C16orf90: variants seen among roughly 807,000 people sequenced by gnomAD.
The protein encoded by C16orf90 is uncharacterized protein C16orf90.
In C16orf90, 17 loss-of-function variants were observed where a neutral mutation model predicts 17.1. The observed-to-expected ratio is 1.00, with a 90% CI of 0.68 to 1.49. The LOEUF is 1.49. C16orf90 is among the 40% of genes most tolerant of loss of function. The pLI is 0.00. For missense variants in C16orf90, 255 were observed against 235.5 expected (o/e 1.08, Z -0.54); for synonymous variants, 108 against 95.8 (o/e 1.13, Z -0.75).
In C16orf90 at chr16:3,493,577, G is replaced by C; in HGVS notation, c.*262C>G. ...GGGGCCTGATTCTGCACTCAGCCCG[G>C]CCTCCCAGGTACAAGTGGCTGACTG... On this transcript the variant is annotated 3_prime_UTR_variant, in exon 3 of 3. Transcript: ENST00000437192. 2 of 333,354 alleles carry C rather than the reference G, an allele frequency of 6.0e-6. No individual in the cohort carries two copies. The highest frequency in any genetic ancestry group is 4.9e-5 in the East Asian group (1 of 20,428). The allele number at this position is 333,354 out of a possible 1,614,324, so 20.6% of individuals were successfully genotyped here.
upstream of C16orf90, among the ~76,000 whole-genome samples, chr16:3,495,855 C>T (rs955028902): frequency 2.0e-5 from 3 of 152,142 alleles, no homozygotes; most frequent in Non-Finnish European, 2.9e-5. Context: ...CCTGTAATCC[C>T]AGCACTGTGG....
intron 2 of C16orf90, 38 bp from the exon 3 acceptor site, chr16:3,494,025 C>T (rs2037267636): frequency 1.3e-6 from 2 of 1,573,988 alleles, no homozygotes; most frequent in Non-Finnish European, 1.7e-6. Context: ...CTTGAGGGAC[C>T]CAAGGGGAGG....
Position 3,494,507 on chromosome 16 carries a change from G to A in C16orf90, c.400+17C>T. ...AGGGTCTTCCCCCGTGCCCAGTCCT[G>A]CCTTGACAGAGCTCACCACTGCTTC... is the stretch of plus-strand genomic sequence containing the variant. On this transcript the variant is annotated intron_variant, in intron 2 of 2. Coordinates refer to ENST00000437192, the MANE Select transcript of C16orf90 (RefSeq NM_001080524.2). 6.2e-7 allele frequency: 1 copy of A among 1,608,020 alleles called. No individual in the cohort carries two copies. Among genetic ancestry groups the A allele is most frequent in the South Asian group, 1.1e-5 (1 of 90,820 alleles).
At chr16:3,495,880 C>T (rs761881456), upstream of C16orf90, among the ~76,000 whole-genome samples, 3 of 152,130 alleles carry the variant, frequency 2.0e-5, no homozygotes, top group Non-Finnish European at 4.4e-5. Flanking sequence ...CCGAGGCAGG[C>T]TGATCAGTTG....
chr16:3,494,916 C>G (rs755406779), intron 1 of C16orf90, 39 bp from the exon 2 acceptor site: 11 of 1,416,576 alleles, frequency 7.8e-6, no homozygotes, highest in Middle Eastern at 2.5e-4. Flanking sequence ...GCCAGCCCCC[C>G]ACAGCAGCCA....
chr16:3,493,700 A>T lies in C16orf90; in HGVS notation c.*139T>A. 1 of 674,408 alleles carries T rather than the reference A, an allele frequency of 1.5e-6. No homozygotes were observed. Among genetic ancestry groups the T allele is most frequent in the Non-Finnish European group, 2.4e-6 (1 of 417,166 alleles). 41.8% of individuals were successfully genotyped at this position (674,408 alleles called of 1,614,324 possible). A position where few individuals can be genotyped will look rare whatever the true frequency, so the allele number is the denominator to read the frequency against. ...TCCCTCTCCCCATCACATTCTCCCG[A>T]GGCCCAGGCCTGGGCGCTGGGCCGC... On this transcript the variant is annotated 3_prime_UTR_variant, in exon 3 of 3. Transcript: ENST00000437192.
In C16orf90 at chr16:3,495,332, GAA is replaced by G; in HGVS notation, c.46+42_46+43del. 2.0e-5 allele frequency: 31 copies of G among 1,575,686 alleles called. No homozygotes were observed. The South Asian group carries it at 3.6e-4, about 18-fold the overall frequency. On this transcript the variant is annotated intron_variant, in intron 1 of 2. Coordinates refer to ENST00000437192, the MANE Select transcript of C16orf90 (RefSeq NM_001080524.2). ...TCGGCTTTGGGCCCAGGTGGGGACA[GAA>G]GCCTATCTCTCTTCCTGCCACTCCT... is the stretch of plus-strand genomic sequence containing the variant.
chr16:3,495,476 G>C lies in C16orf90; in HGVS notation c.-55C>G. 6.3e-7 allele frequency: 1 copy of C among 1,587,898 alleles called. No homozygotes were observed. The highest frequency in any genetic ancestry group is 8.6e-7 in the Non-Finnish European group (1 of 1,165,910). On this transcript the variant is annotated 5_prime_UTR_variant, in exon 1 of 3. Coordinates refer to ENST00000437192, the MANE Select transcript of C16orf90 (RefSeq NM_001080524.2). ...CAGGACTTGGGTGCAGCAGGGCCCTGCTCTCCCCTGCCTAGGGGGTACATT... is the reference window on the plus strand; with the variant it reads ...CAGGACTTGGGTGCAGCAGGGCCCTCCTCTCCCCTGCCTAGGGGGTACATT...
At chr16:3,495,339 A>G (rs757027113) in intron 1 of C16orf90, 37 bp downstream of exon 1, 1 of 1,582,204 alleles carries the variant, frequency 6.3e-7, no homozygotes, top group Non-Finnish European at 8.6e-7. Context: ...ACAGAAGCCT[A>G]TCTCTCTTCC....
chr16:3,495,501 TGGCAGGTCTCCC>T, upstream of C16orf90: 1 of 1,563,306 alleles, frequency 6.4e-7, no homozygotes, highest in Non-Finnish European at 8.7e-7. Flanking sequence ...GGGGGTACAT[TGGCAGGTCTCCC>T]CTGGCAACTG....
At chr16:3,494,258 T>C (rs2037271009) in intron 2 of C16orf90, among the ~76,000 whole-genome samples, 1 of 152,098 alleles carries the variant, frequency 6.6e-6, no homozygotes. Context: ...CCAAGGCCCC[T>C]CACCGAGTGT....
At position 3,493,758 on chromosome 16, in the gene C16orf90, C is replaced by T. The variant is rs1949727153; in HGVS notation, c.*81G>A. 14 of 1,429,698 alleles carry T rather than the reference C, an allele frequency of 9.8e-6. No homozygotes were observed. In the South Asian group the frequency reaches 1.2e-4, roughly 12 times the overall value. The allele number at this position is 1,429,698 out of a possible 1,614,324, so 88.6% of individuals were successfully genotyped here. A position where few individuals can be genotyped will look rare whatever the true frequency, so the allele number is the denominator to read the frequency against. On this transcript the variant is annotated 3_prime_UTR_variant, in exon 3 of 3. Coordinates refer to ENST00000437192, the MANE Select transcript of C16orf90 (RefSeq NM_001080524.2). ...GCCACCCCATGTGGCAGGGCCACTGCCGGGGGCCGAGCCCCTCCTGCTCAG... is the reference window on the plus strand; with the variant it reads ...GCCACCCCATGTGGCAGGGCCACTGTCGGGGGCCGAGCCCCTCCTGCTCAG...
chr16:3,494,519 C>G lies in C16orf90; in HGVS notation c.400+5G>C. The G allele has an allele frequency of 1.2e-6, 2 of 1,611,886 alleles. No individual in the cohort carries two copies. Among genetic ancestry groups the G allele is most frequent in the South Asian group, 1.1e-5 (1 of 91,022 alleles). ...CGTGCCCAGTCCTGCCTTGACAGAG[C>G]TCACCACTGCTTCCCAGGCTGTCCC... On this transcript the variant is annotated splice_donor_5th_base_variant and intron_variant, in intron 2 of 2. Transcript: ENST00000437192.
chr16:3,495,893 G>A (rs888139182), upstream of C16orf90, among the ~76,000 whole-genome samples: 3 of 152,078 alleles, frequency 2.0e-5, no homozygotes, highest in African/African-American at 7.2e-5. Flanking sequence ...ATCAGTTGAG[G>A]TCTGTGGGAG....
chr16:3,496,240 C>A (rs2037307908), upstream of C16orf90: 1 of 635,526 alleles, frequency 1.6e-6, no homozygotes, highest in Admixed American at 1.9e-5. Context: ...CCTAAAGGTT[C>A]GGCGCAAAGA....
Position 3,495,469 on chromosome 16 carries a change from G to A in C16orf90, c.-48C>T. On this transcript the variant is annotated 5_prime_UTR_variant, in exon 1 of 3. Coordinates refer to ENST00000437192, the MANE Select transcript of C16orf90 (RefSeq NM_001080524.2). ...GAGCAACCAGGACTTGGGTGCAGCAGGGCCCTGCTCTCCCCTGCCTAGGGG... is the reference window on the plus strand; with the variant it reads ...GAGCAACCAGGACTTGGGTGCAGCAAGGCCCTGCTCTCCCCTGCCTAGGGG... The A allele has an allele frequency of 3.1e-6, 5 of 1,596,058 alleles. No individual in the cohort carries two copies. The highest frequency in any genetic ancestry group is 1.1e-5 in the South Asian group (1 of 88,132).
Position 3,494,897 on chromosome 16 carries a change from A to G in C16orf90, c.47-20T>C. 1 of 1,480,806 alleles carries G rather than the reference A, an allele frequency of 6.8e-7. No homozygotes were observed. The highest frequency in any genetic ancestry group is 9.0e-7 in the Non-Finnish European group (1 of 1,116,180). The allele number at this position is 1,480,806 out of a possible 1,614,324, so 91.7% of individuals were successfully genotyped here. On this transcript the variant is annotated intron_variant, in intron 1 of 2. Transcript: ENST00000437192. Reference sequence around the variant, plus strand: ...CTGCATCTGCAGAGGAGACAGCGGGAGGGTGGTGGCCAGCCCCCCACAGCA... The same window carrying G: ...CTGCATCTGCAGAGGAGACAGCGGGGGGGTGGTGGCCAGCCCCCCACAGCA...
At chr16:3,496,473 G>T (rs1233336544), upstream of C16orf90, 14 of 814,820 alleles carry the variant, frequency 1.7e-5, no homozygotes, top group Non-Finnish European at 2.8e-5. Context: ...AACGGATGAC[G>T]CGAGGGTTCA....
At chr16:3,496,237 G>T (rs957591431), upstream of C16orf90, 6 of 630,820 alleles carry the variant, frequency 9.5e-6, no homozygotes, top group African/African-American at 1.8e-5. Context: ...GGACCTAAAG[G>T]TTCGGCGCAA....
Sources: gnomAD v4.1 joint callset for allele counts (sites outside exome capture counted in the v4.1 genomes callset) on GRCh38, gnomAD v4.1.1 for gene constraint, MANE v1.5 for transcripts, NCBI Gene and HGNC (gene_info 2026-07-23, HGNC 2026-07-21) for gene names.